ZNF410: variants seen among roughly 807,000 people sequenced by gnomAD.
ZNF410 encodes the protein zinc finger protein 410, also known as another partner for ARF 1.
A neutral mutation model predicts 54.8 loss-of-function variants in ZNF410; 18 were observed. That is an observed-to-expected ratio of 0.33 (90% CI 0.23 to 0.49). The LOEUF is 0.49. Among genes scored for constraint, ZNF410 ranks in the 20% least tolerant of loss-of-function variants. The probability of loss-of-function intolerance (pLI) is 0.99; values close to 1 mark genes in which losing one functional copy is unlikely to be tolerated. For missense variants in ZNF410, 405 were observed against 569.6 expected, an observed-to-expected ratio of 0.71 and a Z score of 2.94; for synonymous variants, 191 against 207.3, an observed-to-expected ratio of 0.92 and a Z score of 0.68.
At chr14:73,910,287 T>C (rs1373622636) in intron 8 of ZNF410, among the ~76,000 whole-genome samples, 5 of 152,140 alleles carry the variant, frequency 3.3e-5, no homozygotes, top group African/African-American at 7.2e-5. Context: ...GAGAAGACTT[T>C]TTTTCAGTCT....
chr14:73,891,504 C>T (rs1013637362), intron 1 of ZNF410, among the ~76,000 whole-genome samples: 1 of 152,088 alleles, frequency 6.6e-6, no homozygotes, highest in Non-Finnish European at 1.5e-5. Context: ...CAGGTGCCTG[C>T]GACCATGCTC....
rs751657133 is a variant in ZNF410, at chr14:73,896,464, T to C, written c.318T>C (p.Ser106=). The change falls in exon 4 of 12, where the codon TCT becomes TCC. Residue 106 remains serine, a synonymous_variant. Transcript: ENST00000555044. ...CGGAGTTTTTGTCCACTTCAGAGTC[T>C]TCTAGCTTGTTGCAAGATCTACAGC... is the stretch of plus-strand genomic sequence containing the variant. ...KSPEFLSTSE[S]SSLLQDLQPS... 3.7e-5 allele frequency: 60 copies of C among 1,614,114 alleles called. No individual in the cohort carries two copies. Among genetic ancestry groups the C allele is most frequent in the Non-Finnish European group, 4.7e-5 (55 of 1,180,050 alleles).
In ZNF410 at chr14:73,931,436, T is replaced by A; in HGVS notation, c.1399-67T>A. 3 of 1,427,988 alleles carry A rather than the reference T, an allele frequency of 2.1e-6. No individual in the cohort carries two copies. The Admixed American group carries it at 5.3e-5, about 25-fold the overall frequency. The allele number at this position is 1,427,988 out of a possible 1,614,324, so 88.5% of individuals were successfully genotyped here. On this transcript the variant is annotated intron_variant, in intron 11 of 11. Coordinates refer to ENST00000555044, the MANE Select transcript of ZNF410 (RefSeq NM_021188.3). Reference sequence around the variant, plus strand: ...TCCATCCTCCACTCTTAATACTTTTTACTATGAATTATTTTTTCTATAATT... The same window carrying A: ...TCCATCCTCCACTCTTAATACTTTTAACTATGAATTATTTTTTCTATAATT...
chr14:73,892,330 T>A, intron 2 of ZNF410, 122 bp downstream of exon 2: 1 of 911,190 alleles, frequency 1.1e-6, no homozygotes, highest in Non-Finnish European at 1.7e-6. Flanking sequence ...TTAGGTTTTT[T>A]AAGCTATATG....
At chr14:73,896,702 T>C in intron 4 of ZNF410, 168 bp downstream of exon 4, 1 of 607,026 alleles carries the variant, frequency 1.6e-6, no homozygotes, top group Non-Finnish European at 2.9e-6. Context: ...GAGGGAGGAC[T>C]CTAGTATGAC....
At chr14:73,888,989 T>G (rs2055183684) in intron 1 of ZNF410, among the ~76,000 whole-genome samples, 1 of 152,204 alleles carries the variant, frequency 6.6e-6, no homozygotes, top group Non-Finnish European at 1.5e-5. Context: ...TTTTAAAGAT[T>G]ATTGAAGTGA....
At chr14:73,890,470 G>A (rs2055212017) in intron 1 of ZNF410, among the ~76,000 whole-genome samples, 1 of 152,120 alleles carries the variant, frequency 6.6e-6, no homozygotes, top group Admixed American at 6.5e-5. Flanking sequence ...TTACAGGCGT[G>A]AGCCACCGTG....
chr14:73,916,899 C>G (rs752923299), intron 8 of ZNF410: 1 of 152,074 alleles, frequency 6.6e-6, no homozygotes, highest in African/African-American at 2.4e-5. Context: ...GAGGATCTCT[C>G]GAACCCAGGA....
chr14:73,890,314 G>A (rs1328598430), intron 1 of ZNF410, among the ~76,000 whole-genome samples: 5 of 151,498 alleles, frequency 3.3e-5, no homozygotes, highest in African/African-American at 7.3e-5. Context: ...ACAGCCTCCC[G>A]AGTAGCTGGG....
chr14:73,919,892 T>TG (rs1218686862), intron 8 of ZNF410, among the ~76,000 whole-genome samples: 2 of 139,270 alleles, frequency 1.4e-5, no homozygotes, highest in African/African-American at 3.0e-5. Context: ...ATAGGTTTTT[T>TG]TTTTTTTTTT....
rs1432035919 is a variant in ZNF410 at position 73,896,152 on chromosome 14, A to G, written c.170-164A>G. On this transcript the variant is annotated intron_variant, in intron 3 of 11. Transcript: ENST00000555044. ...CTGACTGCCTTTGGAACATAAAGCCATCTCTCTGTTCTTCTGTGAGACAAA... is the reference window on the plus strand; with the variant it reads ...CTGACTGCCTTTGGAACATAAAGCCGTCTCTCTGTTCTTCTGTGAGACAAA... 6.6e-6 allele frequency: 4 copies of G among 602,816 alleles called. No homozygotes were observed. In the South Asian group the frequency reaches 8.5e-5, roughly 13 times the overall value. 37.3% of individuals were successfully genotyped at this position (602,816 alleles called of 1,614,324 possible).
intron 2 of ZNF410, among the ~76,000 whole-genome samples, chr14:73,892,457 TA>T (rs1242801142): frequency 6.6e-6 from 1 of 151,656 alleles, no homozygotes; most frequent in Non-Finnish European, 1.5e-5. Flanking sequence ...TAAAATCTTA[TA>T]AATAAAAATA....
In ZNF410 at chr14:73,896,613, TTAAAA is replaced by T. The variant is rs2055322007; in HGVS notation, c.388+82_388+86del. ...TGGGGCATATTTAACTTAGTCATAC[TTAAAA>T]TAGAAAGAACCTTTATTATTTTATT... On this transcript the variant is annotated intron_variant, in intron 4 of 11. Coordinates refer to ENST00000555044, the MANE Select transcript of ZNF410 (RefSeq NM_021188.3). 55 of 1,113,232 alleles carry T rather than the reference TTAAAA, an allele frequency of 4.9e-5. No homozygotes were observed. In the South Asian group the frequency reaches 7.8e-4, roughly 16 times the overall value. 69.0% of individuals were successfully genotyped at this position (1,113,232 alleles called of 1,614,324 possible). A position where few individuals can be genotyped will look rare whatever the true frequency, so the allele number is the denominator to read the frequency against.
At chr14:73,925,177 A>G (rs1190883927) in intron 11 of ZNF410, among the ~76,000 whole-genome samples, 1 of 152,106 alleles carries the variant, frequency 6.6e-6, no homozygotes, top group Non-Finnish European at 1.5e-5. Flanking sequence ...GCTTATATTT[A>G]AAGTTTTTGA....
At position 73,898,099 on chromosome 14, in the gene ZNF410, G is replaced by A. The variant is rs750406526; in HGVS notation, c.417G>A (p.Val139=). The part of the protein sequence containing the change: ...AGLGSSAEHL[V]FVQDEAEDSG... ...TGGGCTCTTCAGCTGAGCACTTAGT[G>A]TTTGTACAGGATGAGGCAGAAGATT... Residue 139 remains valine (V), a synonymous_variant, in exon 5 of 12, where the codon GTG becomes GTA. Transcript: ENST00000555044. 1 of 1,614,010 alleles carries A rather than the reference G, an allele frequency of 6.2e-7. No individual in the cohort carries two copies. Among genetic ancestry groups the A allele is most frequent in the East Asian group, 2.2e-5 (1 of 44,888 alleles).
At chr14:73,909,457 T>C in intron 8 of ZNF410, 27 bp downstream of exon 8, 2 of 1,595,666 alleles carry the variant, frequency 1.3e-6, no homozygotes, top group South Asian at 2.2e-5. Flanking sequence ...CATTCATAGA[T>C]TTTAGGAAAA....
rs377327866 is a variant in ZNF410 at position 73,892,048 on chromosome 14, G to C, written c.-128G>C. ...CTAGGTTACATTGATTACCCACCTA[G>C]TACAACATCTTACGGGAAGAGCATA... On this transcript the variant is annotated 5_prime_UTR_variant, in exon 2 of 12. Transcript: ENST00000555044. The C allele has an allele frequency of 9.3e-6, 10 of 1,076,734 alleles. No homozygotes were observed. Among genetic ancestry groups the C allele is most frequent in the South Asian group, 6.3e-5 (5 of 79,662 alleles). The allele number at this position is 1,076,734 out of a possible 1,614,324, so 66.7% of individuals were successfully genotyped here. A position where few individuals can be genotyped will look rare whatever the true frequency, so the allele number is the denominator to read the frequency against.
chr14:73,928,490 G>A (rs1431257326), intron 11 of ZNF410, among the ~76,000 whole-genome samples: 2 of 152,192 alleles, frequency 1.3e-5, no homozygotes, highest in African/African-American at 2.4e-5. Flanking sequence ...GTTTGAAGTA[G>A]GGTATGACGT....
Position 73,910,481 on chromosome 14 carries a change from C to T in ZNF410, c.1003+1051C>T, listed in dbSNP as rs964483959. 1.6e-4 allele frequency among the ~76,000 whole-genome samples: 24 copies of T among 152,164 alleles called. 1 individual carries two copies. Among genetic ancestry groups the T allele is most frequent in the Admixed American group, 1.2e-3 (18 of 15,270 alleles). On this transcript the variant is annotated intron_variant, in intron 8 of 11. Coordinates refer to ENST00000555044, the MANE Select transcript of ZNF410 (RefSeq NM_021188.3). ...GGTAGTGGCCTGGCGTGGTGGCTCA[C>T]GCCTGTAATCCCAACACTTTGGGAG...
Sources: gnomAD v4.1 joint callset for allele counts (sites outside exome capture counted in the v4.1 genomes callset) on GRCh38, gnomAD v4.1.1 for gene constraint, MANE v1.5 for transcripts, NCBI Gene and HGNC (gene_info 2026-07-23, HGNC 2026-07-21) for gene names.